The following GRIP1 variants were observed in gnomAD, a reference collection of about 807,000 sequenced individuals.
The protein encoded by GRIP1 is glutamate receptor-interacting protein 1.
A neutral mutation model predicts 129.9 loss-of-function variants in GRIP1; 45 were observed. That is an observed-to-expected ratio of 0.35 (90% CI 0.27 to 0.44). The LOEUF (loss-of-function observed/expected upper bound fraction) is 0.44. GRIP1 is among the 20% of genes least tolerant of loss of function. GRIP1 has a pLI of 1.00. For synonymous variants in GRIP1, 530 were observed against 520.8 expected (o/e 1.02, Z -0.24); for missense variants, 1,196 against 1,396.8 (o/e 0.86, Z 2.29).
At chr12:66,553,352 C>T (rs2062206243) in intron 2 of GRIP1, among the ~76,000 whole-genome samples, 1 of 152,056 alleles carries the variant, frequency 6.6e-6, no homozygotes, top group African/African-American at 2.4e-5. Context: ...CTCTCCCTCC[C>T]TTGTTTCCCT....
At chr12:66,546,135 GAAGA>G (rs140248832) in intron 2 of GRIP1, among the ~76,000 whole-genome samples, 2,821 of 152,168 alleles carry the variant, frequency 0.019, 83 homozygotes, top group African/African-American at 0.065. Context: ...TTTTTAAAAA[GAAGA>G]AAGTGGGAGT....
intron 1 of GRIP1, among the ~76,000 whole-genome samples, chr12:66,899,226 C>T (rs1464005864): frequency 6.6e-6 from 1 of 152,184 alleles, no homozygotes; most frequent in East Asian, 1.9e-4. Flanking sequence ...AGTAAGAGTA[C>T]CCAGGTCCAA....
At chr12:66,701,630 C>A (rs2035357346) in intron 1 of GRIP1, among the ~76,000 whole-genome samples, 1 of 152,182 alleles carries the variant, frequency 6.6e-6, no homozygotes, top group African/African-American at 2.4e-5. Flanking sequence ...CTCCTATTAT[C>A]CACAGTGCAG....
intron 1 of GRIP1, among the ~76,000 whole-genome samples, chr12:66,606,500 C>T (rs2064535825): frequency 6.6e-6 from 1 of 151,910 alleles, no homozygotes; most frequent in Admixed American, 6.6e-5. Context: ...GTAAATGATA[C>T]TAATAACTTT....
intron 1 of GRIP1, among the ~76,000 whole-genome samples, chr12:66,882,695 C>A (rs1165737862): frequency 6.6e-6 from 1 of 152,138 alleles, no homozygotes; most frequent in Non-Finnish European, 1.5e-5. Flanking sequence ...AAGTCCAAAC[C>A]AAATATTATA....
chr12:66,743,388 A>C (rs1480022), intron 1 of GRIP1, among the ~76,000 whole-genome samples: 1,810 of 152,164 alleles, frequency 0.012, 19 homozygotes, highest in Non-Finnish European at 0.02. Flanking sequence ...TGGAGTGACC[A>C]GGGAAACTTT....
intron 4 of GRIP1, among the ~76,000 whole-genome samples, chr12:66,535,842 C>T (rs1001253857): frequency 6.6e-6 from 1 of 152,168 alleles, no homozygotes; most frequent in South Asian, 2.1e-4. Flanking sequence ...ATTCCCATTA[C>T]TCTCAAATGT....
At chr12:66,494,296 T>A (rs2060179257) in intron 7 of GRIP1, among the ~76,000 whole-genome samples, 1 of 152,222 alleles carries the variant, frequency 6.6e-6, no homozygotes, top group Admixed American at 6.5e-5. Flanking sequence ...TGTTAAGACT[T>A]TTATTTTTGT....
chr12:66,989,890 A>C (rs1425377694), intron 1 of GRIP1, among the ~76,000 whole-genome samples: 1 of 152,226 alleles, frequency 6.6e-6, no homozygotes, highest in Non-Finnish European at 1.5e-5. Flanking sequence ...GCAGGGAAGA[A>C]AAGTGTAAAT....
intron 1 of GRIP1, among the ~76,000 whole-genome samples, chr12:66,855,031 C>T (rs2039979532): frequency 6.6e-6 from 1 of 151,818 alleles, no homozygotes; most frequent in Non-Finnish European, 1.5e-5. Context: ...TTTCTATCTG[C>T]TTATTATTTA....
intron 1 of GRIP1, among the ~76,000 whole-genome samples, chr12:66,970,540 CTTT>C (rs3051201): frequency 0.087 from 11,270 of 129,702 alleles, 1,209 homozygotes; most frequent in African/African-American, 0.27. Context: ...CCTCTAGTGT[CTTT>C]TTTTTTTTTT....
intron 11 of GRIP1, among the ~76,000 whole-genome samples, chr12:66,451,197 C>T (rs11176191): frequency 0.41 from 61,726 of 151,610 alleles, 12,756 homozygotes; most frequent in Middle Eastern, 0.55. Flanking sequence ...GGAATGACTA[C>T]ATTTTTGTCA....
chr12:66,781,954 T>C (rs766043588), intron 1 of GRIP1, among the ~76,000 whole-genome samples: 2 of 152,184 alleles, frequency 1.3e-5, no homozygotes, highest in African/African-American at 2.4e-5. Flanking sequence ...CTACTAACCG[T>C]ATGATGATTT....
chr12:66,454,975 T>C (rs1039670672), intron 11 of GRIP1, among the ~76,000 whole-genome samples: 1 of 152,204 alleles, frequency 6.6e-6, no homozygotes, highest in Non-Finnish European at 1.5e-5. Flanking sequence ...AATGAATGCA[T>C]GAGAATCTTA....
At chr12:66,467,252 C>G (rs780409284) in intron 7 of GRIP1, among the ~76,000 whole-genome samples, 13 of 152,126 alleles carry the variant, frequency 8.5e-5, no homozygotes, top group Admixed American at 8.5e-4. Context: ...TACAACTACT[C>G]CAGATCCTAT....
At chr12:67,029,494 A>AC (rs2042988954) in intron 1 of GRIP1, among the ~76,000 whole-genome samples, 1 of 149,832 alleles carries the variant, frequency 6.7e-6, no homozygotes, top group Non-Finnish European at 1.5e-5. Flanking sequence ...TGGGAGGATC[A>AC]CCTGAGCCCA....
At chr12:66,767,501 T>G (rs1346844775) in intron 1 of GRIP1, among the ~76,000 whole-genome samples, 1 of 151,084 alleles carries the variant, frequency 6.6e-6, no homozygotes, top group African/African-American at 2.4e-5. Context: ...TACATCTAAC[T>G]AAACAATAAA....
At chr12:66,488,275 C>T (rs1321521965) in intron 7 of GRIP1, among the ~76,000 whole-genome samples, 1 of 152,158 alleles carries the variant, frequency 6.6e-6, no homozygotes, top group Admixed American at 6.6e-5. Flanking sequence ...TCATAACAGT[C>T]TCTCAGACCA....
chr12:66,852,589 T>C (rs901961784), intron 1 of GRIP1, among the ~76,000 whole-genome samples: 1 of 151,492 alleles, frequency 6.6e-6, no homozygotes, highest in African/African-American at 2.4e-5. Flanking sequence ...TATGTATATA[T>C]GTATATATGT....
Sources: allele counts gnomAD v4.1 joint callset (sites outside exome capture counted in the v4.1 genomes callset), GRCh38; gene constraint gnomAD v4.1.1; transcripts MANE v1.5; gene names NCBI Gene and HGNC (gene_info 2026-07-23, HGNC 2026-07-21).